The following GALNT11 variants were observed in gnomAD, a reference collection of about 807,000 sequenced individuals.
GALNT11 encodes UDP-GalNAc:polypeptide N-acetylgalactosaminyltransferase 11.
GALNT11 carries 47 observed loss-of-function variants against 72.7 expected under a neutral mutation model. That is an observed-to-expected ratio of 0.65 (90% CI 0.51 to 0.82). The LOEUF (loss-of-function observed/expected upper bound fraction) is 0.82. Ranked by LOEUF, GALNT11 falls within the 40% of genes least tolerant of loss-of-function variation. GALNT11 has a pLI of 0.00. For missense variants in GALNT11, 677 were observed against 778.4 expected (o/e 0.87, Z 1.55); for synonymous variants, 270 against 286.6 (o/e 0.94, Z 0.58).
rs190399135 is a variant in GALNT11, at chr7:152,042,319, C to T, written c.-39+16435C>T. Among the ~76,000 whole-genome samples the T allele has an allele frequency of 1.5e-3, 226 of 149,862 alleles. 1 individual carries two copies. The highest frequency in any genetic ancestry group is 5.5e-3 in the African/African-American group (216 of 39,222). On this transcript the variant is annotated intron_variant, in intron 1 of 11. Transcript: ENST00000430044. ...TGTAATGTCCCCATAGGTTGTATAA[C>T]TGAATTAATGGCTCTTAAGTCAGTT...
At chr7:152,062,434 T>G (rs1397102381) in intron 1 of GALNT11, among the ~76,000 whole-genome samples, 1 of 152,216 alleles carries the variant, frequency 6.6e-6, no homozygotes, top group African/African-American at 2.4e-5. Flanking sequence ...GACTTCCACT[T>G]TTCCTAATTG....
chr7:152,100,014 A>G (rs2086727303), intron 2 of GALNT11, among the ~76,000 whole-genome samples: 1 of 148,472 alleles, frequency 6.7e-6, no homozygotes, highest in South Asian at 2.2e-4. Context: ...GCTGGGCTCA[A>G]GCAGTCCTCC....
chr7:152,073,628 T>C (rs1248215534), intron 1 of GALNT11, among the ~76,000 whole-genome samples: 4 of 152,260 alleles, frequency 2.6e-5, no homozygotes, highest in Non-Finnish European at 4.4e-5. Context: ...CTCTTCGATA[T>C]ACCAATTTCC....
intron 2 of GALNT11, among the ~76,000 whole-genome samples, chr7:152,097,565 A>G (rs1008591395): frequency 3.3e-5 from 5 of 152,258 alleles, no homozygotes; most frequent in Non-Finnish European, 7.3e-5. Flanking sequence ...TAGCAGCACT[A>G]TTCTCAATAG....
At chr7:152,120,132 T>C (rs564833513) in intron 10 of GALNT11, 4 of 152,278 alleles carry the variant, frequency 2.6e-5, no homozygotes, top group Non-Finnish European at 5.9e-5. Flanking sequence ...AAGTGTACAA[T>C]AGCTGCATGT....
At chr7:152,082,622 A>T (rs1268874527) in intron 1 of GALNT11, among the ~76,000 whole-genome samples, 1 of 152,222 alleles carries the variant, frequency 6.6e-6, no homozygotes, top group Non-Finnish European at 1.5e-5. Flanking sequence ...CATAAAGTAC[A>T]TTGATTTCTT....
intron 7 of GALNT11, 74 bp from the exon 8 acceptor site, chr7:152,113,172 T>A: frequency 4.8e-6 from 7 of 1,471,802 alleles, no homozygotes; most frequent in African/African-American, 1.4e-5. Context: ...AAAGATTAAT[T>A]TCATTGAAAA....
intron 8 of GALNT11, among the ~76,000 whole-genome samples, chr7:152,114,738 G>T (rs1466314386): frequency 6.6e-6 from 1 of 151,962 alleles, no homozygotes; most frequent in Non-Finnish European, 1.5e-5. Flanking sequence ...GGTTGCTGCT[G>T]TATTTGTGTA....
At chr7:152,110,785 C>T (rs1470024606) in intron 7 of GALNT11, 140 bp downstream of exon 7, 1 of 651,782 alleles carries the variant, frequency 1.5e-6, no homozygotes, top group Non-Finnish European at 2.6e-6. Flanking sequence ...GGTTGGAGTG[C>T]AGTGGCGTGG....
intron 1 of GALNT11, among the ~76,000 whole-genome samples, chr7:152,055,250 A>G (rs1266626894): frequency 6.6e-6 from 1 of 152,186 alleles, no homozygotes; most frequent in Non-Finnish European, 1.5e-5. Flanking sequence ...ATGAATTTTT[A>G]GGAAAACACA....
At chr7:152,062,677 G>C (rs2084087399) in intron 1 of GALNT11, among the ~76,000 whole-genome samples, 1 of 152,080 alleles carries the variant, frequency 6.6e-6, no homozygotes. Flanking sequence ...TAGCATGGAG[G>C]GCTGTTGAAT....
intron 1 of GALNT11, among the ~76,000 whole-genome samples, chr7:152,051,209 T>TG (rs200588348): frequency 6.9e-4 from 101 of 147,374 alleles, no homozygotes; most frequent in East Asian, 2.6e-3. Flanking sequence ...GTTTTTTTTT[T>TG]TTTTTTTTTT....
chr7:152,098,174 A>G (rs2086515472), intron 2 of GALNT11, among the ~76,000 whole-genome samples: 1 of 152,136 alleles, frequency 6.6e-6, no homozygotes, highest in Admixed American at 6.5e-5. Flanking sequence ...ATTATTGGCC[A>G]GGCATGGTGG....
intron 1 of GALNT11, chr7:152,093,950 A>G: frequency 2.9e-6 from 1 of 347,960 alleles, no homozygotes; most frequent in Non-Finnish European, 5.2e-6. Context: ...ACATGGGCAA[A>G]TGAATCAGTC....
Position 152,028,999 on chromosome 7 carries a change from G to A in GALNT11, c.-39+3115G>A, listed in dbSNP as rs574690114. Among the ~76,000 whole-genome samples the A allele has an allele frequency of 8.2e-4, 125 of 152,340 alleles. 1 individual carries two copies. The highest frequency in any genetic ancestry group is 1.6e-3 in the Non-Finnish European group (107 of 68,028). On this transcript the variant is annotated intron_variant, in intron 1 of 11. Coordinates refer to ENST00000430044, the MANE Select transcript of GALNT11 (RefSeq NM_022087.4). ...AGCAAGATGGCTGCCACAGGACCTA[G>A]AAAGGGGAGAAGCCATGTTGTCCAA...
At chr7:152,108,579 C>T (rs2087840394) in intron 6 of GALNT11, among the ~76,000 whole-genome samples, 1 of 152,176 alleles carries the variant, frequency 6.6e-6, no homozygotes, top group South Asian at 2.1e-4. Context: ...GTGGTGGTTG[C>T]TGTTTGGTAT....
intron 10 of GALNT11, 79 bp from the exon 11 acceptor site, chr7:152,120,752 C>CA: frequency 8.0e-7 from 1 of 1,248,658 alleles, no homozygotes; most frequent in Non-Finnish European, 1.1e-6. Context: ...CTTACAGAAT[C>CA]AATATGTGGA....
In GALNT11 at chr7:152,121,601, C is replaced by T. The variant is rs746924476; in HGVS notation, c.1751C>T (p.Pro584Leu). The T allele has an allele frequency of 1.2e-5, 20 of 1,614,014 alleles. No homozygotes were observed. Among genetic ancestry groups the T allele is most frequent in the South Asian group, 7.7e-5 (7 of 91,078 alleles). Residue 584 changes from proline (P) to leucine (L), a missense_variant, in exon 12 of 12, where the codon CCC (proline) becomes CTC (leucine). Pro to Leu is a moderately conservative substitution (Grantham distance 98). Coordinates refer to ENST00000430044, the MANE Select transcript of GALNT11 (RefSeq NM_022087.4). ...GGACAGTGCCTGAGAGCAGTGGATC[C>T]CCTGGGTCAGAAGGGCTCTGTCGCC... ...SVGQCLRAVD[P>L]LGQKGSVAMA... is the part of the protein sequence containing the mutation.
At chr7:152,057,175 A>G (rs1337013132) in intron 1 of GALNT11, among the ~76,000 whole-genome samples, 1 of 151,892 alleles carries the variant, frequency 6.6e-6, no homozygotes, top group East Asian at 1.9e-4. Flanking sequence ...TCTTTTTTAA[A>G]AAGCATATCA....
Sources: gnomAD v4.1 joint callset for allele counts (sites outside exome capture counted in the v4.1 genomes callset) on GRCh38, gnomAD v4.1.1 for gene constraint, MANE v1.5 for transcripts, NCBI Gene and HGNC (gene_info 2026-07-23, HGNC 2026-07-21) for gene names.